Variants in TTC28 observed in about 807,000 individuals in gnomAD.
TTC28 encodes the protein tetratricopeptide repeat protein 28.
TTC28 carries 61 observed loss-of-function variants against 198.0 expected under a neutral mutation model. That is an observed-to-expected ratio of 0.31 (90% CI 0.25 to 0.38). TTC28 has a LOEUF of 0.38. Among genes scored for constraint, TTC28 ranks in the 10% least tolerant of loss-of-function variants. The pLI is 1.00. For synonymous variants in TTC28, 1,171 were observed against 1,297.8 expected (o/e 0.90, Z 2.10); for missense variants, 2,678 against 3,164.0 (o/e 0.85, Z 3.69).
At chr22:28,469,995 C>T (rs1371972044) in intron 2 of TTC28, among the ~76,000 whole-genome samples, 1 of 151,928 alleles carries the variant, frequency 6.6e-6, no homozygotes, top group Non-Finnish European at 1.5e-5. Context: ...ACCACCACAT[C>T]CAGTTAATTT....
At position 28,313,684 on chromosome 22, in the gene TTC28, A is replaced by G. The variant is rs150666464; in HGVS notation, c.382-7041T>C. Reference sequence around the variant, plus strand: ...ACAGCCTTTCATGCTAAAACCTCTCAATAAACTAAGTAAGATGGAACGTAT... The same window carrying G: ...ACAGCCTTTCATGCTAAAACCTCTCGATAAACTAAGTAAGATGGAACGTAT... On this transcript the variant is annotated intron_variant, in intron 2 of 22. Transcript: ENST00000397906. Among the ~76,000 whole-genome samples the G allele has an allele frequency of 3.6e-4, 55 of 152,348 alleles. No individual in the cohort carries two copies. In the East Asian group the frequency reaches 8.9e-3, roughly 25 times the overall value.
intron 6 of TTC28, among the ~76,000 whole-genome samples, chr22:28,159,199 T>C (rs1390642324): frequency 2.0e-5 from 3 of 152,126 alleles, no homozygotes; most frequent in Admixed American, 2.0e-4. Context: ...TACAATGAGA[T>C]ATCATCTCAC....
rs750400522 is a variant in TTC28, at chr22:28,107,665, T to C, written c.2180A>G (p.Lys727Arg). ...LGNLGDIFIC[K>R]KDINGAIKFY... ...TTTTATTGCACCATTTATATCTTTT[T>C]TACAGATGAATATATCGCCCAGGTT... is the stretch of plus-strand genomic sequence containing the variant. Residue 727 changes from lysine (K) to arginine (R), a missense_variant, in exon 7 of 23, where the codon AAA becomes AGA. Lys to Arg is a conservative substitution (Grantham distance 26). Around this residue, in one of 8 missense-constraint regions of TTC28, gnomAD observed 775 missense variants for 845.9 expected, o/e 0.92. Coordinates refer to ENST00000397906, the MANE Select transcript of TTC28 (RefSeq NM_001145418.2). 1.3e-6 allele frequency: 2 copies of C among 1,551,646 alleles called. No individual in the cohort carries two copies. Among genetic ancestry groups the C allele is most frequent in the African/African-American group, 2.7e-5 (2 of 73,060 alleles).
intron 5 of TTC28, among the ~76,000 whole-genome samples, chr22:28,268,868 C>A (rs973176584): frequency 2.0e-5 from 3 of 152,230 alleles, no homozygotes; most frequent in African/African-American, 7.2e-5. Context: ...ATTTCTACTT[C>A]TATTTTGGTG....
At chr22:28,172,521 G>T (rs1922780483) in intron 5 of TTC28, among the ~76,000 whole-genome samples, 1 of 152,210 alleles carries the variant, frequency 6.6e-6, no homozygotes, top group Non-Finnish European at 1.5e-5. Flanking sequence ...GGCATCTTCT[G>T]CTTCTGGTTC....
intron 14 of TTC28, chr22:28,002,602 TG>T (rs1937752058): frequency 6.6e-6 from 1 of 151,504 alleles, no homozygotes; most frequent in Non-Finnish European, 1.5e-5. Context: ...TAAACCCATA[TG>T]GTTTTTTTTT....
intron 6 of TTC28, among the ~76,000 whole-genome samples, chr22:28,143,187 G>C (rs950329500): frequency 6.6e-6 from 1 of 152,154 alleles, no homozygotes; most frequent in African/African-American, 2.4e-5. Flanking sequence ...GCAGTATGAT[G>C]CCTAGAGCAT....
chr22:28,062,216 C>T (rs1940569556), intron 12 of TTC28, among the ~76,000 whole-genome samples: 1 of 151,932 alleles, frequency 6.6e-6, no homozygotes, highest in East Asian at 1.9e-4. Context: ...TGCCACCATG[C>T]CTGGCTAATT....
At chr22:28,339,484 C>T (rs926812607) in intron 2 of TTC28, among the ~76,000 whole-genome samples, 1 of 152,236 alleles carries the variant, frequency 6.6e-6, no homozygotes, top group African/African-American at 2.4e-5. Flanking sequence ...GCCCTGCCCC[C>T]AGAGGTGGAG....
At chr22:28,421,011 A>C (rs537850605) in intron 2 of TTC28, among the ~76,000 whole-genome samples, 1 of 152,036 alleles carries the variant, frequency 6.6e-6, no homozygotes, top group African/African-American at 2.4e-5. Flanking sequence ...TCCAAAAAGT[A>C]TCATAATTAT....
At chr22:28,539,877 C>T (rs2049374146) in intron 2 of TTC28, among the ~76,000 whole-genome samples, 1 of 150,240 alleles carries the variant, frequency 6.7e-6, no homozygotes, top group African/African-American at 2.5e-5. Flanking sequence ...TGGCTTGTGG[C>T]TCTGCAGCCT....
intron 5 of TTC28, among the ~76,000 whole-genome samples, chr22:28,242,767 T>C (rs1191394874): frequency 6.6e-6 from 1 of 152,120 alleles, no homozygotes; most frequent in Non-Finnish European, 1.5e-5. Context: ...TAAATAAGTT[T>C]CAATTTTACT....
intron 2 of TTC28, among the ~76,000 whole-genome samples, chr22:28,399,703 T>A (rs528108443): frequency 1.3e-5 from 2 of 152,274 alleles, no homozygotes; most frequent in South Asian, 4.2e-4. Flanking sequence ...AGTTCAAAGA[T>A]AATAAGTTTT....
chr22:28,132,766 C>A (rs1284771778), intron 6 of TTC28, among the ~76,000 whole-genome samples: 2 of 152,210 alleles, frequency 1.3e-5, no homozygotes, highest in Non-Finnish European at 2.9e-5. Flanking sequence ...ACCACTTACA[C>A]AGCAGGTGCT....
chr22:28,483,516 T>C lies in TTC28; in HGVS notation c.381+146036A>G, dbSNP rs186181597. ...ACTTTCATCTTTCTGATTTGAATAATGTTCCCTTTGTGACATTTTTCTGAA... is the reference window on the plus strand; with the variant it reads ...ACTTTCATCTTTCTGATTTGAATAACGTTCCCTTTGTGACATTTTTCTGAA... On this transcript the variant is annotated intron_variant, in intron 2 of 22. Transcript: ENST00000397906. Among the ~76,000 whole-genome samples, 334 of 152,328 alleles carry C rather than the reference T, an allele frequency of 2.2e-3. 3 individuals carry two copies. The highest frequency in any genetic ancestry group is 7.7e-3 in the African/African-American group (320 of 41,582).
chr22:28,096,430 C>G (rs1242824056), intron 10 of TTC28, 22 bp from the exon 11 acceptor site: 1 of 1,549,484 alleles, frequency 6.5e-7, no homozygotes, highest in Admixed American at 2.0e-5. Flanking sequence ...AGAGATATGC[C>G]GAGGAGTCCA....
chr22:28,623,730 C>T (rs1479654454), intron 2 of TTC28, among the ~76,000 whole-genome samples: 1 of 151,744 alleles, frequency 6.6e-6, no homozygotes, highest in Non-Finnish European at 1.5e-5. Context: ...AATTAGAAAT[C>T]AACAATAAGA....
At chr22:28,086,629 C>A (rs1490433861) in intron 12 of TTC28, among the ~76,000 whole-genome samples, 1 of 152,080 alleles carries the variant, frequency 6.6e-6, no homozygotes, top group Admixed American at 6.6e-5. Context: ...CAAACATATT[C>A]AAAAGCTAGC....
chr22:28,201,278 A>G (rs1259888360), intron 5 of TTC28, among the ~76,000 whole-genome samples: 1 of 152,156 alleles, frequency 6.6e-6, no homozygotes, highest in Non-Finnish European at 1.5e-5. Flanking sequence ...AGTGACCATG[A>G]TGCACTCTGT....
Sources: allele counts gnomAD v4.1 joint callset (sites outside exome capture counted in the v4.1 genomes callset), GRCh38; gene constraint gnomAD v4.1.1; regional missense constraint gnomAD v4.1.1; transcripts MANE v1.5; gene names NCBI Gene and HGNC (gene_info 2026-07-23, HGNC 2026-07-21).